ZNF532: variants seen among roughly 807,000 people sequenced by gnomAD.
ZNF532 encodes zinc finger protein 532.
In ZNF532, 22 loss-of-function variants were observed where a neutral mutation model predicts 89.3. The ratio of observed to expected loss-of-function variants is 0.25; its 90% confidence interval spans 0.18 to 0.35. ZNF532 has a LOEUF of 0.35. Ranked by LOEUF, ZNF532 falls within the 10% of genes least tolerant of loss-of-function variation. The pLI is 1.00. For missense variants in ZNF532, 1,132 were observed against 1,643.4 expected, an observed-to-expected ratio of 0.69 and a Z score of 5.38; for synonymous variants, 606 against 649.6, an observed-to-expected ratio of 0.93 and a Z score of 1.02.
intron 7 of ZNF532, chr18:58,964,260 T>A (rs927850732): frequency 2.0e-5 from 3 of 152,254 alleles, no homozygotes; most frequent in Non-Finnish European, 4.4e-5. Flanking sequence ...AGGTAAAAAA[T>A]TTTTTAAAAA....
At chr18:58,942,014 T>A (rs1160440553) in intron 5 of ZNF532, among the ~76,000 whole-genome samples, 3 of 142,830 alleles carry the variant, frequency 2.1e-5, no homozygotes, top group Non-Finnish European at 4.6e-5. Context: ...CTTCTTTCTT[T>A]TCTTTTCTTT....
At chr18:58,959,253 G>GTTTTTTTTTTTTTTTTTTT (rs201150500) in intron 7 of ZNF532, among the ~76,000 whole-genome samples, 35 of 121,648 alleles carry the variant, frequency 2.9e-4, no homozygotes, top group East Asian at 1.2e-3. Context: ...TCAGTTTTTT[G>GTTTTTTTTTTTTTTTTTTT]TTTTTTGTTT....
At chr18:58,873,593 C>T (rs1019247465) in intron 2 of ZNF532, among the ~76,000 whole-genome samples, 13 of 152,164 alleles carry the variant, frequency 8.5e-5, no homozygotes, top group South Asian at 4.2e-4. Context: ...GTATTAAAGG[C>T]GCCTGCCACC....
intron 7 of ZNF532, 33 bp downstream of exon 7, chr18:58,953,832 T>A (rs905600787): frequency 2.5e-6 from 4 of 1,587,486 alleles, no homozygotes; most frequent in Non-Finnish European, 3.4e-6. Flanking sequence ...TCTGGGTGAG[T>A]GCAAGAGAGG....
intron 2 of ZNF532, among the ~76,000 whole-genome samples, chr18:58,917,651 A>G (rs1333012952): frequency 1.3e-5 from 2 of 152,120 alleles, no homozygotes; most frequent in East Asian, 1.9e-4. Context: ...TTTAACAAAC[A>G]TAATAGGGAA....
chr18:58,935,057 T>G (rs2062266145), intron 4 of ZNF532, among the ~76,000 whole-genome samples: 1 of 145,598 alleles, frequency 6.9e-6, no homozygotes, highest in Non-Finnish European at 1.5e-5. Flanking sequence ...GGGGTGTATG[T>G]TCCAGCCTTG....
rs200257236 is a variant in ZNF532 at position 58,884,775 on chromosome 18, GA to G, written c.-18+19203del. ...ATTCATCAAACATGCTTCATTAAGGGAAAAAAAGGCAGTTTGTATCTAAACA... is the reference window on the plus strand; with the variant it reads ...ATTCATCAAACATGCTTCATTAAGGGAAAAAAGGCAGTTTGTATCTAAACA... On this transcript the variant is annotated intron_variant, in intron 2 of 9. Transcript: ENST00000591808. 7.3e-3 allele frequency among the ~76,000 whole-genome samples: 1,115 copies of G among 151,872 alleles called. 8 individuals carry two copies. Among genetic ancestry groups the G allele is most frequent in the African/African-American group, 0.025 (1,044 of 41,466 alleles).
chr18:58,897,882 G>T (rs2059350901), intron 2 of ZNF532, among the ~76,000 whole-genome samples: 1 of 152,164 alleles, frequency 6.6e-6, no homozygotes, highest in African/African-American at 2.4e-5. Flanking sequence ...GAATTCAGAG[G>T]CGGAGGTTGC....
intron 2 of ZNF532, among the ~76,000 whole-genome samples, chr18:58,867,866 C>T (rs950775162): frequency 6.6e-6 from 1 of 152,334 alleles, no homozygotes; most frequent in Non-Finnish European, 1.5e-5. Context: ...GGAGCACACA[C>T]GCTCTCTTTT....
chr18:58,969,838 GGTA>G (rs1299279246), intron 7 of ZNF532, among the ~76,000 whole-genome samples: 1 of 149,260 alleles, frequency 6.7e-6, no homozygotes, highest in African/African-American at 2.5e-5. Flanking sequence ...GTCTTCAAGC[GGTA>G]TTTAATTTTT....
At chr18:58,952,189 C>CT (rs1411126581) in intron 6 of ZNF532, among the ~76,000 whole-genome samples, 1 of 152,170 alleles carries the variant, frequency 6.6e-6, no homozygotes, top group African/African-American at 2.4e-5. Flanking sequence ...GAGCTGAGGT[C>CT]TATCAGTGTG....
At chr18:58,978,567 C>A (rs1306368080) in intron 7 of ZNF532, among the ~76,000 whole-genome samples, 1 of 152,032 alleles carries the variant, frequency 6.6e-6, no homozygotes, top group Non-Finnish European at 1.5e-5. Context: ...TAGTTTAACC[C>A]ATCCTCCTAA....
In ZNF532 at chr18:58,918,505, C is replaced by T; in HGVS notation, c.218C>T (p.Ser73Phe). Residue 73 changes from serine to phenylalanine, a missense_variant, in exon 3 of 10, where the codon TCT becomes TTT. Ser to Phe is a radical substitution (Grantham distance 155, BLOSUM62 -2). Around this residue, in one of 9 missense-constraint regions of ZNF532, gnomAD observed 302 missense variants for 319.8 expected, o/e 0.94. Coordinates refer to ENST00000591808, the MANE Select transcript of ZNF532 (RefSeq NM_001375912.1). ...VIVKNVRNIDSSEGGEKDGHN... is the reference protein window; with the variant it reads ...VIVKNVRNIDFSEGGEKDGHN... ...GTCAAGAATGTTCGGAACATTGACT[C>T]TTCCGAGGGCGGGGAGAAAGACGGC... 6.2e-7 allele frequency: 1 copy of T among 1,614,214 alleles called. No homozygotes were observed. The highest frequency in any genetic ancestry group is 8.5e-7 in the Non-Finnish European group (1 of 1,180,042).
At chr18:58,904,838 C>CTT (rs532227361) in intron 2 of ZNF532, among the ~76,000 whole-genome samples, 3 of 135,182 alleles carry the variant, frequency 2.2e-5, no homozygotes, top group African/African-American at 2.7e-5. Context: ...CTATTTCTTT[C>CTT]TTTTTTTTTT....
chr18:58,908,406 G>A (rs1568291612), intron 2 of ZNF532, among the ~76,000 whole-genome samples: 3 of 152,188 alleles, frequency 2.0e-5, no homozygotes, highest in Non-Finnish European at 2.9e-5. Flanking sequence ...AATAAATGAC[G>A]AGAGTGTAGA....
rs779461569 is a variant in ZNF532, at chr18:58,985,962, A to G, written c.*1496A>G. On this transcript the variant is annotated 3_prime_UTR_variant, in exon 10 of 10. Coordinates refer to ENST00000591808, the MANE Select transcript of ZNF532 (RefSeq NM_001375912.1). ...GACATTTGGCCCTTGTGCTTCTGTG[A>G]GAGAATTATTGATGGTGGGTCTCTG... is the stretch of plus-strand genomic sequence containing the variant. 1.3e-5 allele frequency: 2 copies of G among 152,550 alleles called. No homozygotes were observed. Among genetic ancestry groups the G allele is most frequent in the Admixed American group, 6.6e-5 (1 of 15,266 alleles). 9.4% of individuals were successfully genotyped at this position (152,550 alleles called of 1,614,324 possible).
intron 4 of ZNF532, among the ~76,000 whole-genome samples, chr18:58,937,836 G>A (rs972802069): frequency 2.0e-5 from 3 of 152,212 alleles, no homozygotes; most frequent in Non-Finnish European, 4.4e-5. Flanking sequence ...AGACAACTCA[G>A]TAAGTTAACC....
At chr18:58,966,738 G>GTTTTGTTTT (rs2065949156) in intron 7 of ZNF532, among the ~76,000 whole-genome samples, 9 of 125,972 alleles carry the variant, frequency 7.1e-5, no homozygotes, top group Non-Finnish European at 8.7e-5. Context: ...ATTTTTTTGT[G>GTTTTGTTTT]TTTTTTTTTT....
chr18:58,889,319 TAAAG>T (rs2058720236), intron 2 of ZNF532, among the ~76,000 whole-genome samples: 2 of 152,128 alleles, frequency 1.3e-5, no homozygotes, highest in African/African-American at 4.8e-5. Flanking sequence ...CTGCCACAAA[TAAAG>T]AGGGATGCTT....
Sources: gnomAD v4.1 joint callset for allele counts (sites outside exome capture counted in the v4.1 genomes callset) on GRCh38, gnomAD v4.1.1 for gene constraint, gnomAD v4.1.1 regional missense constraint, MANE v1.5 for transcripts, NCBI Gene and HGNC (gene_info 2026-07-23, HGNC 2026-07-21) for gene names.